The following CCDC191 variants were observed in gnomAD, a reference collection of about 807,000 sequenced individuals.
The protein encoded by CCDC191 is coiled-coil domain containing 191, also known as coiled-coil domain-containing protein 191.
Under a neutral mutation model 114.0 loss-of-function variants are expected in CCDC191, and 99 were observed. That is an observed-to-expected ratio of 0.87 (90% CI 0.74 to 1.03). The LOEUF is 1.03. Among genes scored for constraint, CCDC191 ranks in the 50% least tolerant of loss-of-function variants. The pLI, the probability that CCDC191 is intolerant of heterozygous loss-of-function variation, is 0.00. For missense variants in CCDC191, 973 were observed against 1,087.0 expected, an observed-to-expected ratio of 0.90 and a Z score of 1.47; for synonymous variants, 351 against 376.0, an observed-to-expected ratio of 0.93 and a Z score of 0.77.
chr3:114,047,099 C>T (rs373059779), intron 2 of CCDC191: 11 of 980,404 alleles, frequency 1.1e-5, no homozygotes, highest in East Asian at 2.3e-4. Context: ...GCCCTTAGGA[C>T]TTGCATATGA....
At chr3:113,990,743 CT>C in intron 13 of CCDC191, among the ~76,000 whole-genome samples, 1 of 151,454 alleles carries the variant, frequency 6.6e-6, no homozygotes, top group East Asian at 1.9e-4. Context: ...AAAGGGTATA[CT>C]TCCCCCATTT....
intron 8 of CCDC191, among the ~76,000 whole-genome samples, chr3:114,014,599 A>G (rs1431703032): frequency 6.6e-6 from 1 of 152,198 alleles, no homozygotes; most frequent in Non-Finnish European, 1.5e-5. Context: ...AAGACTGCCT[A>G]TGTACTAGTT....
chr3:113,974,346 G>A (rs1293439221), intron 16 of CCDC191, among the ~76,000 whole-genome samples: 2 of 150,348 alleles, frequency 1.3e-5, no homozygotes, highest in African/African-American at 4.9e-5. Flanking sequence ...TGGAGATGGA[G>A]TCTTGCTCAA....
chr3:114,036,919 A>AATG, intron 4 of CCDC191, 133 bp from the exon 5 acceptor site: 1 of 499,664 alleles, frequency 2.0e-6, no homozygotes, highest in East Asian at 3.6e-5. Context: ...AGTAACTGAT[A>AATG]ATGGCAACTG....
At chr3:114,041,313 T>C (rs2076556604) in intron 4 of CCDC191, among the ~76,000 whole-genome samples, 1 of 152,200 alleles carries the variant, frequency 6.6e-6, no homozygotes, top group South Asian at 2.1e-4. Flanking sequence ...ACTGGTGCTA[T>C]TTAATCTGGA....
rs771156673 is a variant in CCDC191 at position 114,035,061 on chromosome 3, G to A, written c.682C>T (p.Gln228Ter). The change falls in exon 6 of 17, where the codon CAG (glutamine) becomes TAG (stop). Residue 228 changes from glutamine (Q) to a stop codon, truncating the protein, a stop_gained. Transcript: ENST00000295878. LOFTEE classifies it high-confidence loss of function. ...TTCTTCTCTTCTTGCACCAGACACT[G>A]AGCCTCCAAGAAGGCCGATTTTTTC... ...TLKKSAFLEAQCLVQEEKKRK... is the reference protein window; with the variant it reads ...TLKKSAFLEA The A allele has an allele frequency of 6.8e-6, 11 of 1,613,850 alleles. No homozygotes were observed. Among genetic ancestry groups the A allele is most frequent in the Non-Finnish European group, 9.3e-6 (11 of 1,179,964 alleles).
At chr3:113,977,918 T>G (rs1403281621) in intron 16 of CCDC191, among the ~76,000 whole-genome samples, 1 of 152,224 alleles carries the variant, frequency 6.6e-6, no homozygotes, top group Non-Finnish European at 1.5e-5. Context: ...GTGTTTCATA[T>G]AGGTCACATC....
intron 9 of CCDC191, among the ~76,000 whole-genome samples, chr3:114,007,223 G>A (rs1352306418): frequency 6.6e-6 from 1 of 152,160 alleles, no homozygotes; most frequent in East Asian, 1.9e-4. Flanking sequence ...AGAATGGTTT[G>A]AGTCCATGTT....
intron 13 of CCDC191, among the ~76,000 whole-genome samples, chr3:113,991,269 C>CA (rs1290286446): frequency 2.3e-5 from 3 of 131,882 alleles, no homozygotes; most frequent in Non-Finnish European, 4.9e-5. Flanking sequence ...CCCCCCCCCC[C>CA]AAAAACCAAT....
At chr3:114,028,274 A>AT (rs1295770532) in intron 7 of CCDC191, among the ~76,000 whole-genome samples, 1 of 149,764 alleles carries the variant, frequency 6.7e-6, no homozygotes, top group East Asian at 2.0e-4. Context: ...CAATTCTAAA[A>AT]ATTTTTTTTT....
intron 10 of CCDC191, 107 bp downstream of exon 10, chr3:114,005,401 G>A (rs1368660742): frequency 8.8e-7 from 1 of 1,140,744 alleles, no homozygotes; most frequent in Non-Finnish European, 1.2e-6. Context: ...GCAAAATCAA[G>A]GAAAAGGAAC....
chr3:114,053,368 G>A (rs1051558314), intron 2 of CCDC191, among the ~76,000 whole-genome samples: 4 of 152,034 alleles, frequency 2.6e-5, no homozygotes, highest in Non-Finnish European at 5.9e-5. Context: ...CATTTGAAAC[G>A]AAGTCTACAC....
In CCDC191 at chr3:114,014,235, C is replaced by T. The variant is rs193060234; in HGVS notation, c.1164-3214G>A. 3.0e-3 allele frequency among the ~76,000 whole-genome samples: 457 copies of T among 152,224 alleles called. 7 individuals are homozygous for T. Among genetic ancestry groups the T allele is most frequent in the Admixed American group, 0.019 (294 of 15,280 alleles). ...ATAAGCTCATGCATTCAATAATGTGCCAGGTACCCCCAGGGACAAAATGGA... is the reference window on the plus strand; with the variant it reads ...ATAAGCTCATGCATTCAATAATGTGTCAGGTACCCCCAGGGACAAAATGGA... On this transcript the variant is annotated intron_variant, in intron 8 of 16. Transcript: ENST00000295878.
At position 114,046,748 on chromosome 3, in the gene CCDC191, A is replaced by T; in HGVS notation, c.130-16T>A. 1 of 1,561,908 alleles carries T rather than the reference A, an allele frequency of 6.4e-7. No individual in the cohort carries two copies. Among genetic ancestry groups the T allele is most frequent in the Non-Finnish European group, 8.7e-7 (1 of 1,155,154 alleles). ...TCTCCACTCTCTTCAATATAACAGA[A>T]AAAAAAATCCATAAAGATGACAACA... On this transcript the variant is annotated splice_polypyrimidine_tract_variant and intron_variant, in intron 2 of 16. Transcript: ENST00000295878.
At chr3:114,046,073 A>G (rs940602230) in intron 3 of CCDC191, among the ~76,000 whole-genome samples, 3 of 152,192 alleles carry the variant, frequency 2.0e-5, no homozygotes, top group African/African-American at 4.8e-5. Flanking sequence ...TTGACTTTCC[A>G]TCTACCACAG....
At chr3:113,974,624 G>A (rs113260178) in intron 16 of CCDC191, among the ~76,000 whole-genome samples, 187 of 152,024 alleles carry the variant, frequency 1.2e-3, no homozygotes, top group African/African-American at 4.3e-3. Context: ...CGGCCAACTC[G>A]CTGTTGTTTC....
intron 7 of CCDC191, among the ~76,000 whole-genome samples, chr3:114,021,227 G>C (rs1365366506): frequency 6.6e-6 from 1 of 152,004 alleles, no homozygotes; most frequent in Non-Finnish European, 1.5e-5. Context: ...AATGTAGGAG[G>C]GGAAATTTTG....
rs548167974 is a variant in CCDC191 at position 113,986,139 on chromosome 3, G to T, written c.2164-5346C>A. ...CAGAGACATGGAAACTATAAAAAAA[G>T]ATTCAAAATAAAAATGCTAGAAATA... is the stretch of plus-strand genomic sequence containing the variant. On this transcript the variant is annotated intron_variant, in intron 13 of 16. Coordinates refer to ENST00000295878, the MANE Select transcript of CCDC191 (RefSeq NM_020817.2). 7.2e-5 allele frequency among the ~76,000 whole-genome samples: 11 copies of T among 152,178 alleles called. No individual in the cohort carries two copies. The South Asian group carries it at 2.3e-3, about 32-fold the overall frequency.
At chr3:114,031,113 G>T (rs1023697086) in intron 7 of CCDC191, among the ~76,000 whole-genome samples, 11 of 152,082 alleles carry the variant, frequency 7.2e-5, no homozygotes, top group Admixed American at 3.9e-4. Context: ...AAAAGATAAA[G>T]TGAAAGAAAG....
Sources: allele counts gnomAD v4.1 joint callset (sites outside exome capture counted in the v4.1 genomes callset), GRCh38; gene constraint gnomAD v4.1.1; transcripts MANE v1.5; gene names NCBI Gene and HGNC (gene_info 2026-07-23, HGNC 2026-07-21).